Variants in SORCS2 observed in about 807,000 individuals in gnomAD.
SORCS2 encodes sortilin related VPS10 domain containing receptor 2.
Under a neutral mutation model 141.6 loss-of-function variants are expected in SORCS2, and 100 were observed. The observed-to-expected ratio is 0.71, with a 90% CI of 0.60 to 0.83. The LOEUF is 0.83. Among genes scored for constraint, SORCS2 ranks in the 40% least tolerant of loss-of-function variants. The pLI, the probability that SORCS2 is intolerant of heterozygous loss-of-function variation, is 0.00. For missense variants in SORCS2, 1,646 were observed against 1,560.2 expected (o/e 1.05, Z -0.93); for synonymous variants, 789 against 676.9 (o/e 1.17, Z -2.57).
chr4:7,338,111 TTGGA>T (rs1452561818), intron 1 of SORCS2, among the ~76,000 whole-genome samples: 2 of 39,524 alleles, frequency 5.1e-5, no homozygotes, highest in South Asian at 1.3e-3. Flanking sequence ...TGGATGGATG[TTGGA>T]TGGATGGATG....
chr4:7,264,599 G>C (rs1247000903), intron 1 of SORCS2, among the ~76,000 whole-genome samples: 1 of 152,240 alleles, frequency 6.6e-6, no homozygotes, highest in Non-Finnish European at 1.5e-5. Context: ...TTCTCGGGAA[G>C]GTGCTGTGTG....
At chr4:7,407,430 GTGA>G (rs1275540095) in intron 2 of SORCS2, among the ~76,000 whole-genome samples, 1 of 152,044 alleles carries the variant, frequency 6.6e-6, no homozygotes, top group African/African-American at 2.4e-5. Context: ...TCATTATATA[GTGA>G]CCTGCTTTGT....
In SORCS2 at chr4:7,570,728, T is replaced by C. The variant is rs150621095; in HGVS notation, c.648+39099T>C. On this transcript the variant is annotated intron_variant, in intron 3 of 26. Transcript: ENST00000507866. ...GCCAGACCCCATCTGCCATGTCCTG[T>C]CAGCAAGCCTTTTCATCTCCAGGAA... 5.5e-3 allele frequency among the ~76,000 whole-genome samples: 843 copies of C among 152,242 alleles called. 8 individuals are homozygous for C. The highest frequency in any genetic ancestry group is 0.02 in the African/African-American group (811 of 41,546).
At chr4:7,592,688 T>C (rs1055689305) in intron 3 of SORCS2, among the ~76,000 whole-genome samples, 5 of 152,238 alleles carry the variant, frequency 3.3e-5, no homozygotes, top group Admixed American at 3.3e-4. Context: ...CAACCCACTA[T>C]GGACAAATAG....
intron 2 of SORCS2, among the ~76,000 whole-genome samples, chr4:7,519,094 C>A (rs1443456133): frequency 6.6e-6 from 1 of 152,158 alleles, no homozygotes; most frequent in African/African-American, 2.4e-5. Context: ...GTGTGCCCGG[C>A]GGAGGGCTCG....
At chr4:7,449,869 A>T (rs925406387) in intron 2 of SORCS2, among the ~76,000 whole-genome samples, 5 of 152,188 alleles carry the variant, frequency 3.3e-5, no homozygotes, top group Non-Finnish European at 4.4e-5. Context: ...AGAGAGGTTC[A>T]TGAGGAAGGT....
chr4:7,521,910 A>T (rs1733354254), intron 2 of SORCS2, among the ~76,000 whole-genome samples: 1 of 152,204 alleles, frequency 6.6e-6, no homozygotes, highest in African/African-American at 2.4e-5. Context: ...GTCTTCAAGC[A>T]AGGGGTGGTC....
intron 4 of SORCS2, among the ~76,000 whole-genome samples, chr4:7,644,567 A>C (rs889497772): frequency 6.6e-6 from 1 of 152,212 alleles, no homozygotes; most frequent in Admixed American, 6.5e-5. Flanking sequence ...TCTGCAGTGA[A>C]ACGAGGCACC....
chr4:7,198,882 G>A (rs528490986), intron 1 of SORCS2, among the ~76,000 whole-genome samples: 70 of 152,252 alleles, frequency 4.6e-4, no homozygotes, highest in Admixed American at 3.5e-3. Flanking sequence ...CCACAGGCTC[G>A]CACGGTGACC....
intron 25 of SORCS2, among the ~76,000 whole-genome samples, chr4:7,735,082 C>T (rs535604404): frequency 2.0e-5 from 3 of 152,340 alleles, no homozygotes; most frequent in East Asian, 3.9e-4. Flanking sequence ...GTTCCCTGGA[C>T]GCTAGACCTG....
At chr4:7,216,600 C>T (rs1728364330) in intron 1 of SORCS2, among the ~76,000 whole-genome samples, 1 of 152,118 alleles carries the variant, frequency 6.6e-6, no homozygotes. Flanking sequence ...TGCCCACATG[C>T]CTTGCCTCAT....
At chr4:7,640,381 AGTGTGTGGGTGTGTGAGT>A (rs1464246023) in intron 4 of SORCS2, among the ~76,000 whole-genome samples, 1 of 119,530 alleles carries the variant, frequency 8.4e-6, no homozygotes, top group Non-Finnish European at 1.8e-5. Context: ...AATGTACATG[AGTGTGTGGGTGTGTGAGT>A]GTGTGTGGGT....
At position 7,557,753 on chromosome 4, in the gene SORCS2, G is replaced by A. The variant is rs147828890; in HGVS notation, c.648+26124G>A. 6.9e-3 allele frequency among the ~76,000 whole-genome samples: 1,048 copies of A among 152,334 alleles called. 7 individuals are homozygous for A. The highest frequency in any genetic ancestry group is 0.01 in the Non-Finnish European group (702 of 68,012). ...ATCCCCAAGGCCTCTGAAAGGGGCA[G>A]TGGTTTGAGCTGAGACTTGGCCTGC... On this transcript the variant is annotated intron_variant, in intron 3 of 26. Transcript: ENST00000507866.
intron 2 of SORCS2, among the ~76,000 whole-genome samples, chr4:7,520,616 G>A (rs906282700): frequency 6.6e-6 from 1 of 152,210 alleles, no homozygotes; most frequent in Non-Finnish European, 1.5e-5. Flanking sequence ...GTTGGGAGAC[G>A]CGGCTCAGGG....
chr4:7,535,963 T>C (rs116691936), intron 3 of SORCS2, among the ~76,000 whole-genome samples: 3,307 of 152,358 alleles, frequency 0.022, 50 homozygotes, highest in South Asian at 0.052. Context: ...GGCAGCGATT[T>C]GTTATCTAAC....
chr4:7,706,102 G>A (rs372131634), intron 14 of SORCS2, among the ~76,000 whole-genome samples: 14,215 of 78,476 alleles, frequency 0.18, 673 homozygotes, highest in Admixed American at 0.24. Context: ...GATGAGGCTG[G>A]GCTCTGTCTG....
Position 7,466,787 on chromosome 4 carries a change from T to C in SORCS2, c.549-64743T>C, listed in dbSNP as rs141130111. Among the ~76,000 whole-genome samples, 120 of 152,196 alleles carry C rather than the reference T, an allele frequency of 7.9e-4. 1 individual carries two copies. The highest frequency in any genetic ancestry group is 2.7e-3 in the African/African-American group (113 of 41,518). On this transcript the variant is annotated intron_variant, in intron 2 of 26. Coordinates refer to ENST00000507866, the MANE Select transcript of SORCS2 (RefSeq NM_020777.3). Reference sequence around the variant, plus strand: ...TCTGGCTGGGCGATTCCCTAAGTGGTTCCAGAATCGGCCCAGGGGTGCTGG... The same window carrying C: ...TCTGGCTGGGCGATTCCCTAAGTGGCTCCAGAATCGGCCCAGGGGTGCTGG...
At chr4:7,402,967 C>T (rs1485475825) in intron 2 of SORCS2, among the ~76,000 whole-genome samples, 1 of 151,890 alleles carries the variant, frequency 6.6e-6, no homozygotes, top group African/African-American at 2.4e-5. Flanking sequence ...CATTTCCAGG[C>T]CCCTTAATTT....
chr4:7,715,647 G>A (rs1046222861), intron 17 of SORCS2, among the ~76,000 whole-genome samples: 1 of 152,206 alleles, frequency 6.6e-6, no homozygotes, highest in Admixed American at 6.5e-5. Flanking sequence ...GGTCCAAGGT[G>A]CCCATGGCTC....
Sources: allele counts gnomAD v4.1 joint callset (sites outside exome capture counted in the v4.1 genomes callset), GRCh38; gene constraint gnomAD v4.1.1; transcripts MANE v1.5; gene names NCBI Gene and HGNC (gene_info 2026-07-23, HGNC 2026-07-21).